Variants in NECTIN3 observed in about 807,000 individuals in gnomAD.
NECTIN3 encodes the protein nectin-3.
Under a neutral mutation model 49.4 loss-of-function variants are expected in NECTIN3, and 8 were observed. That is an observed-to-expected ratio of 0.16 (90% CI 0.10 to 0.29). NECTIN3 has a LOEUF of 0.29. Ranked by LOEUF, NECTIN3 falls within the 10% of genes least tolerant of loss-of-function variation. NECTIN3 has a pLI of 1.00. For missense variants in NECTIN3, 581 were observed against 654.6 expected (o/e 0.89, Z 1.23); for synonymous variants, 277 against 241.1 (o/e 1.15, Z -1.38).
At chr3:111,078,331 A>G (rs117774610) in intron 1 of NECTIN3, among the ~76,000 whole-genome samples, 2 of 152,292 alleles carry the variant, frequency 1.3e-5, no homozygotes, top group East Asian at 3.9e-4. Context: ...TCTTGCATAC[A>G]GTGAGCATGC....
At chr3:111,182,792 C>A (rs1402401021) in intron 7 of NECTIN3, among the ~76,000 whole-genome samples, 1 of 151,902 alleles carries the variant, frequency 6.6e-6, no homozygotes, top group Non-Finnish European at 1.5e-5. Flanking sequence ...ATCTGAAAAT[C>A]CTTACCTTAA....
At chr3:111,190,790 G>A (rs992108470), upstream of NECTIN3, among the ~76,000 whole-genome samples, 1 of 152,152 alleles carries the variant, frequency 6.6e-6, no homozygotes, top group East Asian at 1.9e-4. Flanking sequence ...CATTAGCAAT[G>A]GCTAAGTAAG....
upstream of NECTIN3, among the ~76,000 whole-genome samples, chr3:111,190,859 A>T (rs1053690682): frequency 1.3e-5 from 2 of 152,216 alleles, no homozygotes; most frequent in Non-Finnish European, 2.9e-5. Context: ...GACAGTCATG[A>T]TGTGTGCTAT....
intron 7 of NECTIN3, among the ~76,000 whole-genome samples, chr3:111,177,576 A>G (rs2035554249): frequency 6.6e-6 from 1 of 152,174 alleles, no homozygotes; most frequent in Admixed American, 6.5e-5. Flanking sequence ...CTTTGTGACA[A>G]TACTGTGCTT....
intron 5 of NECTIN3, among the ~76,000 whole-genome samples, chr3:111,132,663 A>G (rs929999932): frequency 6.6e-6 from 1 of 151,832 alleles, no homozygotes; most frequent in Non-Finnish European, 1.5e-5. Context: ...ATTACTGGCT[A>G]TTTACTCTGT....
chr3:111,137,276 A>G lies in NECTIN3; in HGVS notation c.*3061A>G, dbSNP rs2034612898. The stretch of plus-strand genomic sequence containing the variant: ...GTACCCATTTTGAATTTTTAATTCT[A>G]ATAGGAGAGTAGATTGTAGATTGAA... On this transcript the variant is annotated 3_prime_UTR_variant, in exon 6 of 6. Coordinates refer to ENST00000485303, the MANE Select transcript of NECTIN3 (RefSeq NM_015480.3). The G allele has an allele frequency of 9.4e-6, 9 of 955,492 alleles. No individual in the cohort carries two copies. The highest frequency in any genetic ancestry group is 1.1e-5 in the Non-Finnish European group (9 of 802,940). 59.2% of individuals were successfully genotyped at this position (955,492 alleles called of 1,614,324 possible).
rs572190005 is a variant in NECTIN3 at position 111,099,101 on chromosome 3, C to G, written c.161-12929C>G. 2.6e-5 allele frequency among the ~76,000 whole-genome samples: 4 copies of G among 152,084 alleles called. No homozygotes were observed. The South Asian group carries it at 8.3e-4, about 32-fold the overall frequency. On this transcript the variant is annotated intron_variant, in intron 1 of 5. Transcript: ENST00000485303. ...TTTGTTTTTCCTTTAGTGCCTTTACCCTGCCTGGAAAATCCCACCTCACCT... is the reference window on the plus strand; with the variant it reads ...TTTGTTTTTCCTTTAGTGCCTTTACGCTGCCTGGAAAATCCCACCTCACCT...
At chr3:111,156,699 T>C (rs1284420833) in intron 7 of NECTIN3, among the ~76,000 whole-genome samples, 1 of 152,152 alleles carries the variant, frequency 6.6e-6, no homozygotes, top group Non-Finnish European at 1.5e-5. Context: ...TCAGATAACT[T>C]TCCACAGTTA....
At chr3:111,147,035 C>G (rs928831247) in intron 6 of NECTIN3, among the ~76,000 whole-genome samples, 12 of 152,128 alleles carry the variant, frequency 7.9e-5, no homozygotes, top group African/African-American at 2.9e-4. Flanking sequence ...GTAAACATTT[C>G]TCATGACACT....
chr3:111,142,545 GAA>G (rs2034773622), downstream of NECTIN3, among the ~76,000 whole-genome samples: 1 of 151,732 alleles, frequency 6.6e-6, no homozygotes, highest in African/African-American at 2.4e-5. Flanking sequence ...AAATGTTTAA[GAA>G]TATATATTTA....
At chr3:111,099,917 A>T (rs933862081) in intron 1 of NECTIN3, among the ~76,000 whole-genome samples, 3 of 152,130 alleles carry the variant, frequency 2.0e-5, no homozygotes, top group African/African-American at 7.2e-5. Context: ...TTCCTTTTAA[A>T]TTTTATTGAG....
At chr3:111,159,389 G>A (rs750435851) in intron 7 of NECTIN3, among the ~76,000 whole-genome samples, 9 of 152,108 alleles carry the variant, frequency 5.9e-5, no homozygotes, top group Non-Finnish European at 1.3e-4. Context: ...TTATTTTAAA[G>A]TCCTCTGCAA....
chr3:111,177,192 T>C (rs1438797132), intron 7 of NECTIN3, among the ~76,000 whole-genome samples: 4 of 152,168 alleles, frequency 2.6e-5, no homozygotes, highest in Non-Finnish European at 5.9e-5. Context: ...ACTGAGTTAA[T>C]GTATGAAATA....
chr3:111,097,417 A>G (rs2032654584), intron 1 of NECTIN3, among the ~76,000 whole-genome samples: 1 of 152,186 alleles, frequency 6.6e-6, no homozygotes, highest in Admixed American at 6.5e-5. Flanking sequence ...TAATGCTGAA[A>G]TGAGTTAAGG....
chr3:111,085,700 ATTTTT>A (rs139730502), intron 1 of NECTIN3, among the ~76,000 whole-genome samples: 1 of 142,602 alleles, frequency 7.0e-6, no homozygotes, highest in Non-Finnish European at 1.5e-5. Context: ...ATGTAGCAGT[ATTTTT>A]TTTTTTTTTA....
chr3:111,115,513 ATCCCTCTT>A (rs1356824722), intron 2 of NECTIN3, among the ~76,000 whole-genome samples: 1 of 152,196 alleles, frequency 6.6e-6, no homozygotes, highest in Admixed American at 6.6e-5. Context: ...AGAATTTCAG[ATCCCTCTT>A]AGGCTTATTG....
In NECTIN3 at chr3:111,192,475, A is replaced by G. The variant is rs2035829892; in HGVS notation, c.63+62A>G. ...GCTGGTAGCTAACGTGCTTATTAAA[A>G]TATCATTTAATTGTATACAAGTTCA... On this transcript the variant is annotated intron_variant, in intron 1 of 1. Coordinates refer to the NECTIN3 transcript ENST00000485506. 1.5e-5 allele frequency: 20 copies of G among 1,369,856 alleles called. No individual in the cohort carries two copies. In the South Asian group the frequency reaches 2.4e-4, roughly 17 times the overall value. The allele number at this position is 1,369,856 out of a possible 1,614,324, so 84.9% of individuals were successfully genotyped here.
intron 1 of NECTIN3, among the ~76,000 whole-genome samples, chr3:111,092,058 T>C (rs2032302964): frequency 6.6e-6 from 1 of 152,226 alleles, no homozygotes; most frequent in South Asian, 2.1e-4. Context: ...GAGCAAATTT[T>C]CATTTGCTTA....
chr3:111,120,528 T>G (rs1279041311), intron 3 of NECTIN3, among the ~76,000 whole-genome samples: 1 of 152,232 alleles, frequency 6.6e-6, no homozygotes, highest in African/African-American at 2.4e-5. Context: ...AGTACCACTT[T>G]TAAGTTACAA....
Sources: gnomAD v4.1 joint callset for allele counts (sites outside exome capture counted in the v4.1 genomes callset) on GRCh38, gnomAD v4.1.1 for gene constraint, MANE v1.5 for transcripts, NCBI Gene and HGNC (gene_info 2026-07-23, HGNC 2026-07-21) for gene names.